RGS17: variants seen among roughly 807,000 people sequenced by gnomAD.
RGS17 encodes the protein regulator of G protein signaling 17.
In RGS17, 12 loss-of-function variants were observed where a neutral mutation model predicts 25.5. The observed-to-expected ratio is 0.47, with a 90% confidence interval of 0.30 to 0.76. RGS17 has a LOEUF of 0.76. Ranked by LOEUF, RGS17 falls within the 30% of genes least tolerant of loss-of-function variation. The pLI, the probability that RGS17 is intolerant of heterozygous loss-of-function variation, is 0.07. For missense variants in RGS17, 196 were observed against 242.2 expected, an observed-to-expected ratio of 0.81 and a Z score of 1.27; for synonymous variants, 71 against 76.9, an observed-to-expected ratio of 0.92 and a Z score of 0.40.
At chr6:153,042,965 C>A (rs1285842608) in intron 2 of RGS17, among the ~76,000 whole-genome samples, 2 of 152,184 alleles carry the variant, frequency 1.3e-5, no homozygotes, top group Non-Finnish European at 2.9e-5. Flanking sequence ...CACTGCTGGG[C>A]TAGAAGATCC....
At chr6:153,116,183 G>A (rs1163969312) in intron 1 of RGS17, among the ~76,000 whole-genome samples, 1 of 152,136 alleles carries the variant, frequency 6.6e-6, no homozygotes, top group Non-Finnish European at 1.5e-5. Flanking sequence ...TCTGACAAAG[G>A]GCTAATATTC....
intron 1 of RGS17, among the ~76,000 whole-genome samples, chr6:153,085,612 T>C (rs1441033774): frequency 2.0e-5 from 3 of 152,210 alleles, no homozygotes; most frequent in Admixed American, 1.3e-4. Context: ...ATCAGTCACA[T>C]ACCAGGATTA....
chr6:153,054,021 T>C (rs1219485720), intron 1 of RGS17, among the ~76,000 whole-genome samples: 6,261 of 52,170 alleles, frequency 0.12, 1,365 homozygotes, highest in African/African-American at 0.21. Flanking sequence ...TATATATGTA[T>C]ATAATATATA....
At chr6:153,058,459 C>T (rs369335334) in intron 1 of RGS17, among the ~76,000 whole-genome samples, 1 of 152,176 alleles carries the variant, frequency 6.6e-6, no homozygotes, top group African/African-American at 2.4e-5. Flanking sequence ...TGTAAATGAA[C>T]TGAGTCTAAA....
chr6:153,011,638 A>C lies in RGS17; in HGVS notation c.569T>G (p.Phe190Cys). 6.2e-7 allele frequency: 1 copy of C among 1,612,972 alleles called. No individual in the cohort carries two copies. Among genetic ancestry groups the C allele is most frequent in the Non-Finnish European group, 8.5e-7 (1 of 1,179,260 alleles). ...TLMHRDSFPR[F>C]LNSQIYKSFV... ...TGACTTATAAATTTGAGAGTTCAAA[A>C]ACCTTGGAAAAGAATCTCTGTGCAT... Residue 190 changes from phenylalanine to cysteine, a missense_variant, in exon 5 of 5, where the codon TTT (phenylalanine) becomes TGT (cysteine). Around this residue, in one of 2 missense-constraint regions of RGS17, gnomAD observed 179 missense variants for 197.6 expected, o/e 0.91. Coordinates refer to ENST00000206262, the MANE Select transcript of RGS17 (RefSeq NM_012419.5).
At chr6:153,094,248 G>A (rs554275597) in intron 1 of RGS17, among the ~76,000 whole-genome samples, 1 of 151,746 alleles carries the variant, frequency 6.6e-6, no homozygotes, top group Non-Finnish European at 1.5e-5. Context: ...GCTAATTTTT[G>A]TATTTTTTTT....
intron 1 of RGS17, among the ~76,000 whole-genome samples, chr6:153,097,318 T>G (rs916822959): frequency 2.5e-4 from 28 of 111,246 alleles, no homozygotes; most frequent in East Asian, 1.8e-3. Flanking sequence ...TTTTTTTTTT[T>G]GGGAGACAGA....
At chr6:153,012,736 G>T (rs901118000) in intron 4 of RGS17, among the ~76,000 whole-genome samples, 8 of 152,162 alleles carry the variant, frequency 5.3e-5, no homozygotes, top group African/African-American at 1.9e-4. Context: ...GTGAACCATA[G>T]TTATTTCATG....
intron 1 of RGS17, among the ~76,000 whole-genome samples, chr6:153,120,433 A>T (rs1330122888): frequency 1.3e-5 from 2 of 152,202 alleles, no homozygotes; most frequent in Admixed American, 1.3e-4. Flanking sequence ...TTTGTTCACC[A>T]AGTCTTGAAG....
In RGS17 at chr6:153,009,330, T is replaced by C. The variant is rs961208491; in HGVS notation, c.*2244A>G. The stretch of plus-strand genomic sequence containing the variant: ...TTTTCTAGTCATGTGCACCAATTTG[T>C]TGAGCCTCACACACAGAAACAAATA... On this transcript the variant is annotated 3_prime_UTR_variant, in exon 5 of 5. Coordinates refer to ENST00000206262, the MANE Select transcript of RGS17 (RefSeq NM_012419.5). 6.6e-6 allele frequency: 1 copy of C among 152,094 alleles called. No individual in the cohort carries two copies. The highest frequency in any genetic ancestry group is 1.5e-5 in the Non-Finnish European group (1 of 67,948). The allele number at this position is 152,094 out of a possible 1,614,324, so 9.4% of individuals were successfully genotyped here. A position where few individuals can be genotyped will look rare whatever the true frequency, so the allele number is the denominator to read the frequency against.
At chr6:153,058,885 T>A (rs1380117178) in intron 1 of RGS17, among the ~76,000 whole-genome samples, 4 of 143,934 alleles carry the variant, frequency 2.8e-5, no homozygotes, top group Non-Finnish European at 6.0e-5. Flanking sequence ...TGGAAGGGTA[T>A]ACTCGTTAGC....
intron 2 of RGS17, among the ~76,000 whole-genome samples, chr6:153,028,225 T>C (rs77800978): frequency 0.01 from 1,592 of 152,264 alleles, 28 homozygotes; most frequent in African/African-American, 0.037. Flanking sequence ...GGCAGGTTTA[T>C]TGGTGTCGAA....
intron 1 of RGS17, among the ~76,000 whole-genome samples, chr6:153,119,401 T>G (rs1464003235): frequency 1.3e-5 from 2 of 152,130 alleles, no homozygotes; most frequent in African/African-American, 4.8e-5. Flanking sequence ...CTCTTAAAAG[T>G]TATTTCAAGC....
intron 2 of RGS17, among the ~76,000 whole-genome samples, chr6:153,028,602 G>GA (rs908883122): frequency 2.6e-5 from 4 of 151,078 alleles, no homozygotes; most frequent in African/African-American, 9.8e-5. Flanking sequence ...AAAAGTGGAT[G>GA]GGGGGGGATA....
intron 1 of RGS17, among the ~76,000 whole-genome samples, chr6:153,054,114 GTGTATATATA>G (rs1776519419): frequency 4.1e-5 from 2 of 48,536 alleles, no homozygotes; most frequent in East Asian, 1.0e-3. Context: ...ATATATATAT[GTGTATATATA>G]TATATATACA....
chr6:153,105,467 A>G (rs1332797722), intron 1 of RGS17, among the ~76,000 whole-genome samples: 9 of 152,310 alleles, frequency 5.9e-5, no homozygotes, highest in African/African-American at 1.9e-4. Flanking sequence ...TAAAAAGATG[A>G]TTTAGTTGCC....
intron 3 of RGS17, among the ~76,000 whole-genome samples, chr6:153,025,616 A>G (rs1310662167): frequency 6.8e-6 from 1 of 148,120 alleles, no homozygotes; most frequent in Non-Finnish European, 1.5e-5. Flanking sequence ...ACATTTGGCC[A>G]AAGAAGTATG....
At chr6:153,089,536 G>A (rs3897904) in intron 1 of RGS17, among the ~76,000 whole-genome samples, 11,767 of 151,976 alleles carry the variant, frequency 0.077, 626 homozygotes, top group East Asian at 0.17. Context: ...TTTAGTCTGC[G>A]TGTAAGAAAA....
At chr6:153,024,230 G>A (rs1779275458) in intron 4 of RGS17, 32 bp downstream of exon 4, 1 of 1,463,452 alleles carries the variant, frequency 6.8e-7, no homozygotes, top group Non-Finnish European at 9.5e-7. Flanking sequence ...TTGGTCTTAG[G>A]AAGCCCACCT....
Sources: gnomAD v4.1 joint callset for allele counts (sites outside exome capture counted in the v4.1 genomes callset) on GRCh38, gnomAD v4.1.1 for gene constraint, gnomAD v4.1.1 regional missense constraint, MANE v1.5 for transcripts, NCBI Gene and HGNC (gene_info 2026-07-23, HGNC 2026-07-21) for gene names.